The following ADCY1 variants were observed in gnomAD, a reference collection of about 807,000 sequenced individuals.
ADCY1 encodes the protein adenylate cyclase type 1.
Under a neutral mutation model 105.4 loss-of-function variants are expected in ADCY1, and 28 were observed. The observed-to-expected ratio is 0.27, with a 90% CI of 0.20 to 0.36. The LOEUF is 0.36. Ranked by LOEUF, ADCY1 falls within the 10% of genes least tolerant of loss-of-function variation. The pLI is 1.00. For synonymous variants in ADCY1, 655 were observed against 623.8 expected, an observed-to-expected ratio of 1.05 and a Z score of -0.75; for missense variants, 977 against 1,434.2, an observed-to-expected ratio of 0.68 and a Z score of 5.15.
chr7:45,625,194 TG>T (rs1308449510), intron 4 of ADCY1, among the ~76,000 whole-genome samples: 1 of 152,158 alleles, frequency 6.6e-6, no homozygotes, highest in African/African-American at 2.4e-5. Context: ...CCAGGGTGTA[TG>T]GGCGGGGGCT....
In ADCY1 at chr7:45,647,322, T is replaced by C. The variant is rs1203931276; in HGVS notation, c.1021-1348T>C. ...CTCACTCTGTGCTGGCCATGGTTCC[T>C]TTTCTCTAAGAATGTGGGGCACAGA... is the stretch of plus-strand genomic sequence containing the variant. On this transcript the variant is annotated intron_variant, in intron 4 of 19. Coordinates refer to ENST00000297323, the MANE Select transcript of ADCY1 (RefSeq NM_021116.4). The surrounding 1 kb of genome is among the most constrained non-coding windows in gnomAD (Gnocchi z 4.6). Among the ~76,000 whole-genome samples, 1 of 152,258 alleles carries C rather than the reference T, an allele frequency of 6.6e-6. No homozygotes were observed. Among genetic ancestry groups the C allele is most frequent in the Admixed American group, 6.5e-5 (1 of 15,292 alleles).
rs61735492 is a variant in ADCY1 at position 45,703,722 on chromosome 7, C to T, written c.2694C>T (p.Asn898=). 4.2e-4 allele frequency: 661 copies of T among 1,591,758 alleles called. 4 individuals are homozygous for T. In the African/African-American group the frequency reaches 4.8e-3, roughly 11 times the overall value. Residue 898 remains asparagine, a synonymous_variant, in exon 16 of 20, where the codon AAC becomes AAT. Transcript: ENST00000297323. This position sits in a 1 kb window ranked among gnomAD's most constrained non-coding sequence, Gnocchi z 5.9. ...NMGVECLRLL[N]EIIADFDELM... is the part of the protein sequence containing the mutation. ...GGGTGGAGTGTCTGCGGCTTCTCAA[C>T]GAGATCATCGCCGACTTTGACGAGG... is the stretch of plus-strand genomic sequence containing the variant.
At chr7:45,610,796 GTGGGGA>G (rs1562687130) in intron 3 of ADCY1, among the ~76,000 whole-genome samples, 1 of 103,602 alleles carries the variant, frequency 9.7e-6, no homozygotes, top group African/African-American at 3.6e-5. Flanking sequence ...GATGGTGGAG[GTGGGGA>G]GGTGATGGTG....
At chr7:45,612,852 C>T (rs1258921476) in intron 3 of ADCY1, among the ~76,000 whole-genome samples, 1 of 152,112 alleles carries the variant, frequency 6.6e-6, no homozygotes, top group Admixed American at 6.5e-5. Flanking sequence ...ACCATAACTT[C>T]CCCCTACTCA....
In ADCY1 at chr7:45,710,410, G is replaced by A. The variant is rs1418678500; in HGVS notation, c.2933-118G>A. ...GTGCTAGGTGACCCCAGGAAACAAA[G>A]CCCTGAAAGGAGCAGCCTTTTCTCC... On this transcript the variant is annotated intron_variant, in intron 18 of 19. Coordinates refer to ENST00000297323, the MANE Select transcript of ADCY1 (RefSeq NM_021116.4). The surrounding 1 kb of genome is among the most constrained non-coding windows in gnomAD (Gnocchi z 4.7). 14 of 1,443,192 alleles carry A rather than the reference G, an allele frequency of 9.7e-6. No homozygotes were observed. In the South Asian group the frequency reaches 1.1e-4, roughly 11 times the overall value. 89.4% of individuals were successfully genotyped at this position (1,443,192 alleles called of 1,614,324 possible).
chr7:45,595,325 G>A (rs1044807467), intron 2 of ADCY1, among the ~76,000 whole-genome samples: 1 of 152,118 alleles, frequency 6.6e-6, no homozygotes, highest in Non-Finnish European at 1.5e-5. Context: ...TGGGGCCCAG[G>A]GGGGTTGGGG....
chr7:45,641,550 A>G (rs1262746030), intron 4 of ADCY1, among the ~76,000 whole-genome samples: 3 of 152,146 alleles, frequency 2.0e-5, no homozygotes, highest in Admixed American at 1.3e-4. Context: ...CCACCACGAT[A>G]CCATTATCAT....
Position 45,583,937 on chromosome 7 carries a change from G to GTTTTTT in ADCY1, c.639+8778_639+8783dup, listed in dbSNP as rs869216986. On this transcript the variant is annotated intron_variant, in intron 1 of 19. Coordinates refer to ENST00000297323, the MANE Select transcript of ADCY1 (RefSeq NM_021116.4). Reference sequence around the variant, plus strand: ...TTACAGGCATGAGCCACTGTGCCCTGTTTTTTTTTTTTTTTTTTTTTTTTT... The same window carrying GTTTTTT: ...TTACAGGCATGAGCCACTGTGCCCTGTTTTTTTTTTTTTTTTTTTTTTTTTTTTTTT... Among the ~76,000 whole-genome samples the GTTTTTT allele has an allele frequency of 4.4e-4, 25 of 56,888 alleles. 2 individuals carry two copies. Among genetic ancestry groups the GTTTTTT allele is most frequent in the East Asian group, 3.6e-3 (5 of 1,388 alleles). The allele number at this position is 56,888 out of a possible 152,430, so 37.3% of individuals were successfully genotyped here. A position where few individuals can be genotyped will look rare whatever the true frequency, so the allele number is the denominator to read the frequency against.
intron 4 of ADCY1, among the ~76,000 whole-genome samples, chr7:45,644,202 A>G (rs1794598593): frequency 6.6e-6 from 1 of 152,186 alleles, no homozygotes; most frequent in African/African-American, 2.4e-5. Flanking sequence ...GTGCGAGTCC[A>G]TGACCTCTCT....
chr7:45,671,401 C>A (rs559983264), intron 8 of ADCY1, among the ~76,000 whole-genome samples: 1 of 152,126 alleles, frequency 6.6e-6, no homozygotes, highest in Admixed American at 6.5e-5. Context: ...CATTGTCGTG[C>A]GAAATTTTGT....
chr7:45,703,693 A>G lies in ADCY1; in HGVS notation c.2665A>G (p.Met889Val). 1 of 1,611,502 alleles carries G rather than the reference A, an allele frequency of 6.2e-7. No homozygotes were observed. Among genetic ancestry groups the G allele is most frequent in the Middle Eastern group, 1.7e-4 (1 of 6,042 alleles). The stretch of plus-strand genomic sequence containing the variant: ...CTACATCGAGCTGGACGGCAACAAC[A>G]TGGGGGTGGAGTGTCTGCGGCTTCT... ...DFYIELDGNN[M>V]GVECLRLLNE... Residue 889 changes from methionine (M) to valine (V), a missense_variant, in exon 16 of 20, where the codon ATG (methionine) becomes GTG (valine). Transcript: ENST00000297323. This position sits in a 1 kb window ranked among gnomAD's most constrained non-coding sequence, Gnocchi z 5.9.
rs562217455 is a variant in ADCY1, at chr7:45,635,160, A to G, written c.1020+12417A>G. ...TCAGTTTTTTTTTTTTCCTTAAATA[A>G]GCTTGGTGGTAGTTCTTCATAGTAT... On this transcript the variant is annotated intron_variant, in intron 4 of 19. Transcript: ENST00000297323. Among the ~76,000 whole-genome samples the G allele has an allele frequency of 2.6e-5, 4 of 151,326 alleles. No homozygotes were observed. In the East Asian group the frequency reaches 7.7e-4, roughly 29 times the overall value.
At chr7:45,640,935 C>G (rs1794512164) in intron 4 of ADCY1, among the ~76,000 whole-genome samples, 1 of 152,176 alleles carries the variant, frequency 6.6e-6, no homozygotes, top group Admixed American at 6.5e-5. Context: ...CTGCATACCC[C>G]TAAGAGGGGT....
At chr7:45,639,984 A>G (rs1794494016) in intron 4 of ADCY1, among the ~76,000 whole-genome samples, 1 of 152,226 alleles carries the variant, frequency 6.6e-6, no homozygotes, top group Non-Finnish European at 1.5e-5. Flanking sequence ...TAGTTGAGCA[A>G]TGATTTAATG....
At chr7:45,664,055 G>A (rs1172672731) in intron 8 of ADCY1, among the ~76,000 whole-genome samples, 2 of 152,150 alleles carry the variant, frequency 1.3e-5, no homozygotes, top group African/African-American at 4.8e-5. Flanking sequence ...GACCTAGCAC[G>A]ATTCTTGCTG....
chr7:45,717,963 A>C lies in ADCY1; in HGVS notation c.*3968A>C, dbSNP rs1348515313. ...TAAGCCATGCATACAAGTTTGCCCC[A>C]TTCTCTGGCTTGGGGTGGTGGGAGG... On this transcript the variant is annotated 3_prime_UTR_variant, in exon 20 of 20. Transcript: ENST00000297323. 6.6e-6 allele frequency: 1 copy of C among 152,514 alleles called. No homozygotes were observed. Among genetic ancestry groups the C allele is most frequent in the Admixed American group, 6.5e-5 (1 of 15,280 alleles). 9.4% of individuals were successfully genotyped at this position (152,514 alleles called of 1,614,324 possible).
intron 3 of ADCY1, among the ~76,000 whole-genome samples, chr7:45,610,845 C>CGATAGTGGAGGTGCGGAGGT (rs1793547076): frequency 1.0e-5 from 1 of 98,678 alleles, no homozygotes; most frequent in East Asian, 3.3e-4. Flanking sequence ...GGTGTGGAGG[C>CGATAGTGGAGGTGCGGAGGT]GATATTGGAG....
At chr7:45,665,422 C>T (rs1055587808) in intron 8 of ADCY1, among the ~76,000 whole-genome samples, 4 of 152,240 alleles carry the variant, frequency 2.6e-5, no homozygotes, top group African/African-American at 9.6e-5. Context: ...CCGTGGAACA[C>T]GTCTCTATTC....
intron 8 of ADCY1, among the ~76,000 whole-genome samples, chr7:45,666,022 C>T (rs752081257): frequency 1.8e-4 from 28 of 152,140 alleles, no homozygotes; most frequent in Admixed American, 1.7e-3. Flanking sequence ...TTGCTGTGCT[C>T]GCTCGCACCA....
Sources: allele counts gnomAD v4.1 joint callset (sites outside exome capture counted in the v4.1 genomes callset), GRCh38; gene constraint gnomAD v4.1.1; non-coding constraint Gnocchi (gnomAD v3.1); transcripts MANE v1.5; gene names NCBI Gene and HGNC (gene_info 2026-07-23, HGNC 2026-07-21).